Variants in RNF38 observed in about 807,000 individuals in gnomAD.
RNF38 encodes ring finger protein 38.
Under a neutral mutation model 67.2 loss-of-function variants are expected in RNF38, and 15 were observed. The ratio of observed to expected loss-of-function variants is 0.22; its 90% CI spans 0.15 to 0.34. RNF38 has a LOEUF of 0.34. RNF38 is among the 10% of genes least tolerant of loss of function. RNF38 has a pLI of 1.00. For missense variants in RNF38, 524 were observed against 639.9 expected (o/e 0.82, Z 1.95); for synonymous variants, 220 against 218.8 (o/e 1.01, Z -0.05).
rs772016436 is a variant in RNF38 at position 36,357,813 on chromosome 9, T to C, written c.700A>G (p.Ser234Gly). ...QQVPGCSVVF[S>G]GQHLPVCSVP... ...CTACAGACAGGGAGGTGCTGTCCAC[T>C]GAAAACCACAGAGCATCCTGGGACC... The change falls in exon 5 of 12, where the codon AGT (serine) becomes GGT (glycine). Residue 234 changes from serine (S) to glycine (G), a missense_variant. By Grantham distance (56) the Ser-to-Gly change is moderately conservative. Transcript: ENST00000259605. 1.2e-6 allele frequency: 2 copies of C among 1,613,926 alleles called. No individual in the cohort carries two copies. Among genetic ancestry groups the C allele is most frequent in the Non-Finnish European group, 1.7e-6 (2 of 1,179,944 alleles).
intron 1 of RNF38, among the ~76,000 whole-genome samples, chr9:36,459,952 C>A (rs1399266247): frequency 6.6e-6 from 1 of 151,366 alleles, no homozygotes; most frequent in Non-Finnish European, 1.5e-5. Flanking sequence ...TATTGCTATC[C>A]AATACTATAA....
chr9:36,461,206 G>A (rs771918582), intron 1 of RNF38, among the ~76,000 whole-genome samples: 1 of 152,162 alleles, frequency 6.6e-6, no homozygotes, highest in African/African-American at 2.4e-5. Context: ...GGCAACAAGA[G>A]CAAAACTCCA....
chr9:36,381,063 G>A (rs544066877), intron 2 of RNF38, among the ~76,000 whole-genome samples: 44 of 152,288 alleles, frequency 2.9e-4, no homozygotes, highest in Admixed American at 6.5e-4. Flanking sequence ...TGTTGACTTC[G>A]AGTGGAAGTG....
chr9:36,410,121 A>C (rs547049613), intron 2 of RNF38, among the ~76,000 whole-genome samples: 100 of 152,302 alleles, frequency 6.6e-4, no homozygotes, highest in African/African-American at 2.3e-3. Flanking sequence ...TTTTACAACA[A>C]AGCAAAGTGA....
At chr9:36,458,388 TC>T (rs1290353100) in intron 1 of RNF38, among the ~76,000 whole-genome samples, 1 of 152,090 alleles carries the variant, frequency 6.6e-6, no homozygotes, top group African/African-American at 2.4e-5. Context: ...CCCGCCTGGG[TC>T]CCCTTCCACG....
chr9:36,449,858 T>C (rs1839395074), intron 1 of RNF38, among the ~76,000 whole-genome samples: 1 of 152,188 alleles, frequency 6.6e-6, no homozygotes, highest in African/African-American at 2.4e-5. Flanking sequence ...GGAGTTCCAA[T>C]ATCATGTTTT....
At chr9:36,468,376 G>A (rs1839915136) in intron 1 of RNF38, among the ~76,000 whole-genome samples, 1 of 152,140 alleles carries the variant, frequency 6.6e-6, no homozygotes, top group African/African-American at 2.4e-5. Flanking sequence ...TAAATATTCT[G>A]ACCTCCTTCT....
At chr9:36,487,182 C>T (rs867069260) in intron 1 of RNF38, 27 of 621,140 alleles carry the variant, frequency 4.3e-5, no homozygotes, top group Middle Eastern at 1.6e-3. Flanking sequence ...CGGGGCCGGA[C>T]AAAGCTGACC....
At chr9:36,418,363 T>TA (rs1838528749) in intron 2 of RNF38, among the ~76,000 whole-genome samples, 1 of 151,492 alleles carries the variant, frequency 6.6e-6, no homozygotes, top group Admixed American at 6.6e-5. Flanking sequence ...TTTTAAAAAT[T>TA]AAAAAGAGGC....
chr9:36,461,542 C>A (rs1005690709), intron 1 of RNF38, among the ~76,000 whole-genome samples: 1 of 152,168 alleles, frequency 6.6e-6, no homozygotes, highest in African/African-American at 2.4e-5. Flanking sequence ...GTGACCCATT[C>A]TTTCAAAAGC....
intron 1 of RNF38, among the ~76,000 whole-genome samples, chr9:36,427,573 C>A (rs750813627): frequency 6.6e-6 from 1 of 152,090 alleles, no homozygotes; most frequent in Non-Finnish European, 1.5e-5. Flanking sequence ...CTTGTGAGGA[C>A]ACAGCAAAAA....
rs921431241 is a variant in RNF38 at position 36,430,484 on chromosome 9, C to T, written n.242-5801G>A. On this transcript the variant is annotated intron_variant and non_coding_transcript_variant, in intron 1 of 3. Coordinates refer to the RNF38 transcript ENST00000488058. ...CCTCCCAAAGTGCTGGGATTACAGGCAAGAGCTACTGTGCCTGGCCTTAAT... is the reference window on the plus strand; with the variant it reads ...CCTCCCAAAGTGCTGGGATTACAGGTAAGAGCTACTGTGCCTGGCCTTAAT... Among the ~76,000 whole-genome samples, 9 of 152,186 alleles carry T rather than the reference C, an allele frequency of 5.9e-5. No homozygotes were observed. The South Asian group carries it at 1.0e-3, about 18-fold the overall frequency.
intron 1 of RNF38, among the ~76,000 whole-genome samples, chr9:36,397,784 T>G (rs1837649996): frequency 2.2e-5 from 3 of 133,882 alleles, no homozygotes; most frequent in African/African-American, 7.6e-5. Context: ...AAATAAACTT[T>G]TCTTTCCTTC....
At position 36,487,406 on chromosome 9, in the gene RNF38, G is replaced by A. The variant is rs1840443748; in HGVS notation, n.143C>T. The A allele has an allele frequency of 7.1e-6, 7 of 981,752 alleles. No homozygotes were observed. In the South Asian group the frequency reaches 1.8e-4, roughly 25 times the overall value. 60.8% of individuals were successfully genotyped at this position (981,752 alleles called of 1,614,324 possible). On this transcript the variant is annotated non_coding_transcript_exon_variant, in exon 1 of 4. Coordinates refer to the RNF38 transcript ENST00000488058. ...GAGGCGGTCCGTGGCGGCGGGCTCC[G>A]GCCGGGGCGGCGGCGGTGGGGGGCG...
At chr9:36,485,066 G>A (rs575815651) in intron 1 of RNF38, among the ~76,000 whole-genome samples, 1 of 152,322 alleles carries the variant, frequency 6.6e-6, no homozygotes, top group South Asian at 2.1e-4. Flanking sequence ...CTACTCGGGA[G>A]GCTGAGGCAG....
intron 2 of RNF38, among the ~76,000 whole-genome samples, chr9:36,415,215 C>T (rs1317085519): frequency 6.6e-6 from 1 of 152,152 alleles, no homozygotes; most frequent in African/African-American, 2.4e-5. Context: ...TAATCTCAAA[C>T]TTATTGGAGG....
chr9:36,373,078 G>C (rs1835505863), intron 3 of RNF38, among the ~76,000 whole-genome samples: 1 of 152,204 alleles, frequency 6.6e-6, no homozygotes, highest in South Asian at 2.1e-4. Context: ...GTTGTGGCAG[G>C]CACCTGTAAT....
At chr9:36,353,085 A>C in intron 7 of RNF38, 85 bp downstream of exon 7, 1 of 1,184,666 alleles carries the variant, frequency 8.4e-7, no homozygotes, top group South Asian at 1.3e-5. Context: ...TATAATTCTA[A>C]ATATGGTGAA....
intron 1 of RNF38, among the ~76,000 whole-genome samples, chr9:36,447,958 T>G (rs1839347432): frequency 6.6e-6 from 1 of 152,258 alleles, no homozygotes; most frequent in African/African-American, 2.4e-5. Flanking sequence ...TAAGTTCTTC[T>G]GAACTAGAAG....
Sources: gnomAD v4.1 joint callset for allele counts (sites outside exome capture counted in the v4.1 genomes callset) on GRCh38, gnomAD v4.1.1 for gene constraint, MANE v1.5 for transcripts, NCBI Gene and HGNC (gene_info 2026-07-23, HGNC 2026-07-21) for gene names.